The following RIMS1 variants were observed in gnomAD, a reference collection of about 807,000 sequenced individuals.
RIMS1 encodes regulating synaptic membrane exocytosis 1, also known as regulating synaptic membrane exocytosis protein 1.
Under a neutral mutation model 214.1 loss-of-function variants are expected in RIMS1, and 83 were observed. The observed-to-expected ratio is 0.39, with a 90% CI of 0.32 to 0.47. RIMS1 has a LOEUF of 0.47. RIMS1 is among the 20% of genes least tolerant of loss of function. The pLI is 0.99. For missense variants in RIMS1, 2,050 were observed against 2,161.8 expected, an observed-to-expected ratio of 0.95 and a Z score of 1.03; for synonymous variants, 793 against 786.8, an observed-to-expected ratio of 1.01 and a Z score of -0.13.
At chr6:71,901,002 A>G (rs1269290214) in intron 1 of RIMS1, among the ~76,000 whole-genome samples, 2 of 152,136 alleles carry the variant, frequency 1.3e-5, no homozygotes, top group Non-Finnish European at 2.9e-5. Flanking sequence ...GATATAGGAT[A>G]AAAACCAGGA....
intron 4 of RIMS1, among the ~76,000 whole-genome samples, chr6:72,166,170 G>T (rs2349095): frequency 0.21 from 32,339 of 151,950 alleles, 4,108 homozygotes; most frequent in Non-Finnish European, 0.27. Context: ...CTTCCTCTGG[G>T]CTTATGTGAA....
chr6:72,025,561 C>G (rs1816169103), intron 2 of RIMS1, among the ~76,000 whole-genome samples: 1 of 152,200 alleles, frequency 6.6e-6, no homozygotes, highest in African/African-American at 2.4e-5. Context: ...GTCCATACTG[C>G]ACACATAGTG....
chr6:72,377,909 A>G (rs775751913), intron 29 of RIMS1, among the ~76,000 whole-genome samples: 2 of 152,294 alleles, frequency 1.3e-5, no homozygotes, highest in Middle Eastern at 3.4e-3. Flanking sequence ...CTTCTCAGTA[A>G]TGGTCGTGTA....
At chr6:72,188,360 C>G (rs1397060066) in intron 6 of RIMS1, among the ~76,000 whole-genome samples, 1 of 152,178 alleles carries the variant, frequency 6.6e-6, no homozygotes, top group Non-Finnish European at 1.5e-5. Context: ...CATAATACAA[C>G]TATCCTTCGT....
At chr6:72,006,648 T>C (rs1311359921) in intron 2 of RIMS1, among the ~76,000 whole-genome samples, 4 of 152,042 alleles carry the variant, frequency 2.6e-5, no homozygotes, top group Non-Finnish European at 4.4e-5. Flanking sequence ...TTTCCAATGG[T>C]CTTAGCAAAC....
chr6:72,150,195 CAA>C (rs11423317), intron 4 of RIMS1, among the ~76,000 whole-genome samples: 4 of 144,492 alleles, frequency 2.8e-5, no homozygotes, highest in Admixed American at 6.8e-5. Context: ...TGTGAGTATG[CAA>C]AAAAAAAAGG....
chr6:72,338,475 T>G (rs2096925397), intron 29 of RIMS1, among the ~76,000 whole-genome samples: 1 of 152,048 alleles, frequency 6.6e-6, no homozygotes, highest in Admixed American at 6.6e-5. Flanking sequence ...AAATGGGATC[T>G]AATTAAACTG....
chr6:72,249,381 C>A (rs1015568513), intron 12 of RIMS1, among the ~76,000 whole-genome samples: 1 of 152,112 alleles, frequency 6.6e-6, no homozygotes, highest in Admixed American at 6.6e-5. Flanking sequence ...GTCATGAAAT[C>A]TTGGTTAATA....
intron 2 of RIMS1, among the ~76,000 whole-genome samples, chr6:72,072,634 G>A (rs1830831539): frequency 2.6e-5 from 4 of 152,080 alleles, no homozygotes; most frequent in East Asian, 3.8e-4. Context: ...GAGCACCTTG[G>A]GAAACCACAA....
At chr6:72,235,961 T>C (rs919795650) in intron 8 of RIMS1, among the ~76,000 whole-genome samples, 1 of 152,146 alleles carries the variant, frequency 6.6e-6, no homozygotes, top group Non-Finnish European at 1.5e-5. Flanking sequence ...GAAAGTAGCA[T>C]AGGTAATGTG....
chr6:71,988,984 A>G (rs1800798271), intron 2 of RIMS1, among the ~76,000 whole-genome samples: 1 of 152,208 alleles, frequency 6.6e-6, no homozygotes, highest in Non-Finnish European at 1.5e-5. Flanking sequence ...ACAGCTTAAT[A>G]AAAGGTACGC....
At chr6:72,390,785 A>C (rs367931586) in intron 30 of RIMS1, 49 bp downstream of exon 30, 24 of 1,592,376 alleles carry the variant, frequency 1.5e-5, no homozygotes, top group Non-Finnish European at 2.1e-5. Flanking sequence ...GGAATTGTGT[A>C]CTAATCAGTA....
intron 29 of RIMS1, among the ~76,000 whole-genome samples, chr6:72,355,510 A>C (rs2154376021): frequency 6.6e-6 from 1 of 152,212 alleles, no homozygotes; most frequent in East Asian, 1.9e-4. Context: ...TTTTCCTTAT[A>C]TCCAAAAGGC....
At chr6:72,313,407 C>T in intron 27 of RIMS1, 99 bp from the exon 28 acceptor site, 1 of 990,036 alleles carries the variant, frequency 1.0e-6, no homozygotes, top group South Asian at 1.5e-5. Flanking sequence ...TGAAGGTACA[C>T]CTTTATTTGG....
intron 2 of RIMS1, among the ~76,000 whole-genome samples, chr6:71,998,832 C>T (rs536018908): frequency 3.9e-5 from 6 of 152,194 alleles, no homozygotes; most frequent in African/African-American, 1.4e-4. Context: ...ATTTATTTTC[C>T]AGGAGGAGCT....
rs1285245135 is a variant in RIMS1 at position 72,159,924 on chromosome 6, A to T, written c.472-19651A>T. ...TAAAGTGGTTTTTTCCAATTCTGTC[A>T]AGAAAGTCGTTGGTAGCTTGATGGG... On this transcript the variant is annotated intron_variant, in intron 4 of 33. Coordinates refer to ENST00000521978, the MANE Select transcript of RIMS1 (RefSeq NM_014989.7). Among the ~76,000 whole-genome samples, 7 of 139,660 alleles carry T rather than the reference A, an allele frequency of 5.0e-5. 2 individuals are homozygous for T. Among genetic ancestry groups the T allele is most frequent in the Non-Finnish European group, 1.1e-4 (7 of 61,532 alleles). The allele number at this position is 139,660 out of a possible 152,430, so 91.6% of individuals were successfully genotyped here. A position where few individuals can be genotyped will look rare whatever the true frequency, so the allele number is the denominator to read the frequency against.
chr6:72,182,701 C>T lies in RIMS1; in HGVS notation c.1230C>T (p.Gly410=), dbSNP rs544554763. 9.3e-6 allele frequency: 14 copies of T among 1,507,576 alleles called. No individual in the cohort carries two copies. Among genetic ancestry groups the T allele is most frequent in the East Asian group, 2.6e-5 (1 of 38,166 alleles). 93.4% of individuals were successfully genotyped at this position (1,507,576 alleles called of 1,614,324 possible). A position where few individuals can be genotyped will look rare whatever the true frequency, so the allele number is the denominator to read the frequency against. ...AGAALPEGKA[G]KRAPAAARAS... is the part of the protein sequence containing the mutation. ...CGGCGCTGCCGGAGGGCAAGGCCGG[C>T]AAACGCGCGCCGGCGGCAGCCAGGG... Residue 410 remains glycine, a synonymous_variant, in exon 6 of 34, where the codon GGC becomes GGT. Transcript: ENST00000521978.
chr6:71,919,090 A>G (rs910859671), intron 1 of RIMS1, among the ~76,000 whole-genome samples: 1 of 152,158 alleles, frequency 6.6e-6, no homozygotes, highest in Non-Finnish European at 1.5e-5. Flanking sequence ...CCCAGTGTCC[A>G]TTATTGGAGG....
chr6:72,168,359 T>C (rs1378832684), intron 4 of RIMS1, among the ~76,000 whole-genome samples: 2 of 152,204 alleles, frequency 1.3e-5, no homozygotes, highest in Non-Finnish European at 2.9e-5. Flanking sequence ...TAAAGTATAC[T>C]TGGAAGAGGA....
Sources: gnomAD v4.1 joint callset for allele counts (sites outside exome capture counted in the v4.1 genomes callset) on GRCh38, gnomAD v4.1.1 for gene constraint, MANE v1.5 for transcripts, NCBI Gene and HGNC (gene_info 2026-07-23, HGNC 2026-07-21) for gene names.